NABP2: variants seen among roughly 807,000 people sequenced by gnomAD.
NABP2 encodes SOSS complex subunit B1.
In NABP2, 7 loss-of-function variants were observed where a neutral mutation model predicts 22.7. The ratio of observed to expected loss-of-function variants is 0.31; its 90% CI spans 0.18 to 0.58. NABP2 has a LOEUF of 0.58. Among genes scored for constraint, NABP2 ranks in the 20% least tolerant of loss-of-function variants. The pLI, the probability that NABP2 is intolerant of heterozygous loss-of-function variation, is 0.89. For synonymous variants in NABP2, 107 were observed against 99.2 expected, an observed-to-expected ratio of 1.08 and a Z score of -0.47; for missense variants, 188 against 265.9, an observed-to-expected ratio of 0.71 and a Z score of 2.04.
Position 56,225,522 on chromosome 12 carries a change from T to A in NABP2, c.218+11T>A. 6.2e-7 allele frequency: 1 copy of A among 1,614,216 alleles called. No individual in the cohort carries two copies. Among genetic ancestry groups the A allele is most frequent in the Non-Finnish European group, 8.5e-7 (1 of 1,180,034 alleles). On this transcript the variant is annotated intron_variant, in intron 3 of 6. Transcript: ENST00000267023. ...CCGGCTCACCAAAGGGTAAGTCAGC[T>A]GGTGACTTCTGGCCTTCCAAAGGCA...
rs1048956235 is a variant in NABP2, at chr12:56,224,390, G to T, written c.-75G>T. ...GCATCCGGCGGCAGCGGAGCCTGTG[G>T]CTCCCCCTGCGGGCTGCTCAGCGGC... On this transcript the variant is annotated 5_prime_UTR_variant, in exon 1 of 7. Transcript: ENST00000267023. The T allele has an allele frequency of 4.0e-6, 4 of 990,928 alleles. No individual in the cohort carries two copies. The highest frequency in any genetic ancestry group is 4.8e-6 in the Non-Finnish European group (4 of 832,054). 61.4% of individuals were successfully genotyped at this position (990,928 alleles called of 1,614,324 possible). A position where few individuals can be genotyped will look rare whatever the true frequency, so the allele number is the denominator to read the frequency against.
chr12:56,224,565 G>C, intron 1 of NABP2, 124 bp downstream of exon 1: 1 of 1,222,008 alleles, frequency 8.2e-7, no homozygotes, highest in South Asian at 2.2e-5. Context: ...CCCTACCCCT[G>C]TCTACGTCGG....
Position 56,229,340 on chromosome 12 carries a change from G to T in NABP2, c.*127G>T. ...GAACTTCAGTGGAGGGTGGTGAGCA[G>T]TGTCCTTATCCACCCTAATCTCATA... On this transcript the variant is annotated 3_prime_UTR_variant, in exon 7 of 7. Transcript: ENST00000267023. The T allele has an allele frequency of 1.0e-6, 1 of 997,324 alleles. No individual in the cohort carries two copies. Among genetic ancestry groups the T allele is most frequent in the Non-Finnish European group, 1.5e-6 (1 of 664,632 alleles). The allele number at this position is 997,324 out of a possible 1,614,324, so 61.8% of individuals were successfully genotyped here. A position where few individuals can be genotyped will look rare whatever the true frequency, so the allele number is the denominator to read the frequency against.
chr12:56,229,445 C>A lies in NABP2; in HGVS notation c.*232C>A, dbSNP rs899350681. 3 of 551,026 alleles carry A rather than the reference C, an allele frequency of 5.4e-6. No individual in the cohort carries two copies. The highest frequency in any genetic ancestry group is 2.1e-5 in the South Asian group (1 of 47,980). The allele number at this position is 551,026 out of a possible 1,614,324, so 34.1% of individuals were successfully genotyped here. On this transcript the variant is annotated 3_prime_UTR_variant, in exon 7 of 7. Transcript: ENST00000267023. Reference sequence around the variant, plus strand: ...TGCTCTCTTTCCTCTTTAGAAATGGCAGTTACTGGCTGGGCGCAGTGGCTC... The same window carrying A: ...TGCTCTCTTTCCTCTTTAGAAATGGAAGTTACTGGCTGGGCGCAGTGGCTC...
intron 2 of NABP2, 71 bp from the exon 3 acceptor site, chr12:56,225,302 C>G (rs1869709071): frequency 2.5e-6 from 4 of 1,592,472 alleles, no homozygotes; most frequent in Non-Finnish European, 3.4e-6. Context: ...ATATCCACAT[C>G]TCATCCTTCT....
At chr12:56,222,936 G>A (rs1052377885), upstream of NABP2, among the ~76,000 whole-genome samples, 2 of 152,122 alleles carry the variant, frequency 1.3e-5, no homozygotes, top group African/African-American at 4.8e-5. Context: ...TCTGAGATAA[G>A]TAAGATAAGA....
chr12:56,228,133 A>G (rs560655660), intron 6 of NABP2, among the ~76,000 whole-genome samples: 156 of 152,282 alleles, frequency 1.0e-3, no homozygotes, highest in South Asian at 2.1e-3. Context: ...CGGAGGTTGT[A>G]GTGAGCTGGG....
At chr12:56,224,704 A>T in intron 1 of NABP2, 130 bp from the exon 2 acceptor site, 1 of 910,022 alleles carries the variant, frequency 1.1e-6, no homozygotes, top group Non-Finnish European at 1.6e-6. Flanking sequence ...GTTCTTTTTT[A>T]ATCTTTTAGA....
rs1330785396 is a variant in NABP2, at chr12:56,225,488, G to A, written c.195G>A (p.Gly65=). 6.2e-7 allele frequency: 1 copy of A among 1,614,212 alleles called. No homozygotes were observed. The highest frequency in any genetic ancestry group is 1.1e-5 in the South Asian group (1 of 91,090). ...ATGTTGGCAATCTGATCCAGCCTGGGGACATTATCCGGCTCACCAAAGGGT... is the reference window on the plus strand; with the variant it reads ...ATGTTGGCAATCTGATCCAGCCTGGAGACATTATCCGGCTCACCAAAGGGT... ...WDDVGNLIQP[G]DIIRLTKGYA... is the part of the protein sequence containing the mutation. The change falls in exon 3 of 7, where the codon GGG becomes GGA. Residue 65 remains glycine (G), a synonymous_variant. Transcript: ENST00000267023.
At chr12:56,224,202 A>G, upstream of NABP2, 1 of 418,262 alleles carries the variant, frequency 2.4e-6, no homozygotes, top group Non-Finnish European at 3.2e-6. Context: ...TTCCTTTAAT[A>G]CCTGAAATTC....
At position 56,224,926 on chromosome 12, in the gene NABP2, C is replaced by T. The variant is rs1428243805; in HGVS notation, c.70C>T (p.Leu24=). The T allele has an allele frequency of 1.9e-6, 3 of 1,606,636 alleles. No individual in the cohort carries two copies. The highest frequency in any genetic ancestry group is 2.6e-6 in the Non-Finnish European group (3 of 1,175,760). The change falls in exon 2 of 7, where the codon CTG becomes TTG. Residue 24 remains leucine (L), a synonymous_variant. Coordinates refer to ENST00000267023, the MANE Select transcript of NABP2 (RefSeq NM_024068.4). The part of the protein sequence containing the change: ...LKNLNLIFIV[L]ETGRVTKTKD... Reference sequence around the variant, plus strand: ...GAATCTGAACCTTATCTTCATTGTGCTGGAGACAGGTGTCTATACTGGGGT... The same window carrying T: ...GAATCTGAACCTTATCTTCATTGTGTTGGAGACAGGTGTCTATACTGGGGT...
Position 56,225,694 on chromosome 12 carries a change from G to A in NABP2, c.289G>A (p.Glu97Lys). 2 of 1,614,224 alleles carry A rather than the reference G, an allele frequency of 1.2e-6. No individual in the cohort carries two copies. Among genetic ancestry groups the A allele is most frequent in the Non-Finnish European group, 1.7e-6 (2 of 1,180,040 alleles). The change falls in exon 4 of 7, where the codon GAA becomes AAA. Residue 97 changes from glutamate (E) to lysine (K), a missense_variant and splice_region_variant. Transcript: ENST00000267023. ...TGGGGGTGATCTGCAGAAGATTGGAGAGTAAGTGCTGTCTTGGGGATTGGG... is the reference window on the plus strand; with the variant it reads ...TGGGGGTGATCTGCAGAAGATTGGAAAGTAAGTGCTGTCTTGGGGATTGGG... ...GRGGDLQKIG[E>K]FCMVYSEVPN...
intron 6 of NABP2, among the ~76,000 whole-genome samples, chr12:56,228,386 CTT>C (rs776947930): frequency 2.9e-4 from 40 of 137,468 alleles, no homozygotes; most frequent in South Asian, 2.3e-4. Flanking sequence ...GTGAAGGGGC[CTT>C]TTTTTTTTTT....
At chr12:56,224,971 G>A (rs1592366730) in intron 2 of NABP2, 36 bp downstream of exon 2, 3 of 1,491,460 alleles carry the variant, frequency 2.0e-6, no homozygotes, top group Non-Finnish European at 2.8e-6. Flanking sequence ...GCGGGATGGG[G>A]GTCGGGGGCA....
At chr12:56,222,448 C>T (rs943985359), upstream of NABP2, among the ~76,000 whole-genome samples, 1 of 152,158 alleles carries the variant, frequency 6.6e-6, no homozygotes, top group African/African-American at 2.4e-5. Context: ...GGTTGTCTGC[C>T]TCTCTCCCAG....
Position 56,226,411 on chromosome 12 carries a change from C to T in NABP2, c.428C>T (p.Ala143Val), listed in dbSNP as rs1869767797. The change falls in exon 6 of 7, where the codon GCC (alanine) becomes GTC (valine). Residue 143 changes from alanine (A) to valine (V), a missense_variant. Physicochemically the swap from Ala to Val is moderately conservative, Grantham distance 64. Coordinates refer to ENST00000267023, the MANE Select transcript of NABP2 (RefSeq NM_024068.4). ...ASQPTTGPSAASPASENQNGN... is the reference protein window; with the variant it reads ...ASQPTTGPSAVSPASENQNGN... ...CAGCCTACCACTGGACCCTCTGCTG[C>T]CTCTCCAGGTAAATCTGTTCCCTTC... 2.5e-6 allele frequency: 4 copies of T among 1,613,008 alleles called. No individual in the cohort carries two copies. The African/African-American group carries it at 4.0e-5, about 16-fold the overall frequency.
In NABP2 at chr12:56,225,627, C is replaced by A; in HGVS notation, c.222C>A (p.Tyr74Ter). 1.5e-5 allele frequency: 25 copies of A among 1,614,072 alleles called. No homozygotes were observed. The highest frequency in any genetic ancestry group is 2.0e-5 in the Non-Finnish European group (24 of 1,180,030). ...TTGCTTTTTTTGCCTCCCATAGGTA[C>A]GCTTCAGTTTTCAAAGGTTGTCTGA... ...PGDIIRLTKG[Y>*]ASVFKGCLTL... The change falls in exon 4 of 7, where the codon TAC becomes TAA. Residue 74 changes from tyrosine (Y) to a stop codon, truncating the protein, a stop_gained. Transcript: ENST00000267023. LOFTEE classifies it high-confidence loss of function.
Position 56,225,681 on chromosome 12 carries a change from G to A in NABP2, c.276G>A (p.Leu92=). 1 of 1,614,208 alleles carries A rather than the reference G, an allele frequency of 6.2e-7. No homozygotes were observed. Among genetic ancestry groups the A allele is most frequent in the South Asian group, 1.1e-5 (1 of 91,088 alleles). The part of the protein sequence containing the change: ...LTLYTGRGGD[L]QKIGEFCMVY... ...TATATACTGGCCGTGGGGGTGATCTGCAGAAGATTGGAGAGTAAGTGCTGT... is the reference window on the plus strand; with the variant it reads ...TATATACTGGCCGTGGGGGTGATCTACAGAAGATTGGAGAGTAAGTGCTGT... Residue 92 remains leucine, a synonymous_variant, in exon 4 of 7, where the codon CTG becomes CTA. Transcript: ENST00000267023.
chr12:56,227,959 G>A (rs1247323453), intron 6 of NABP2, among the ~76,000 whole-genome samples: 1 of 152,200 alleles, frequency 6.6e-6, no homozygotes, highest in African/African-American at 2.4e-5. Context: ...TTGGGAGGCC[G>A]AGGTGGGTGG....
Sources: gnomAD v4.1 joint callset for allele counts (sites outside exome capture counted in the v4.1 genomes callset) on GRCh38, gnomAD v4.1.1 for gene constraint, MANE v1.5 for transcripts, NCBI Gene and HGNC (gene_info 2026-07-23, HGNC 2026-07-21) for gene names.